Variants in PTPRD observed in about 807,000 individuals in gnomAD.
The protein encoded by PTPRD is receptor-type tyrosine-protein phosphatase delta.
In PTPRD, 34 loss-of-function variants were observed where a neutral mutation model predicts 214.5. That is an observed-to-expected ratio of 0.16 (90% CI 0.12 to 0.21). The LOEUF (loss-of-function observed/expected upper bound fraction) is 0.21, where lower values mean the gene tolerates loss of function less well. PTPRD is among the 10% of genes least tolerant of loss of function. The pLI, the probability that PTPRD is intolerant of heterozygous loss-of-function variation, is 1.00. For synonymous variants in PTPRD, 1,128 were observed against 845.7 expected, an observed-to-expected ratio of 1.33 and a Z score of -5.79; for missense variants, 2,545 against 2,398.7, an observed-to-expected ratio of 1.06 and a Z score of -1.27.
intron 36 of PTPRD, among the ~76,000 whole-genome samples, chr9:8,397,001 G>C (rs935955765): frequency 5.3e-5 from 8 of 152,080 alleles, no homozygotes; most frequent in Non-Finnish European, 1.2e-4. Context: ...CGATTAACTT[G>C]AAAATAGAAA....
chr9:9,463,381 G>A (rs1228099338), intron 8 of PTPRD, among the ~76,000 whole-genome samples: 1 of 152,068 alleles, frequency 6.6e-6, no homozygotes, highest in Non-Finnish European at 1.5e-5. Flanking sequence ...GTTGGAAGAG[G>A]GAGGGAGGGG....
intron 21 of PTPRD, among the ~76,000 whole-genome samples, chr9:8,508,190 T>C (rs1247921948): frequency 1.3e-5 from 2 of 152,244 alleles, no homozygotes; most frequent in Non-Finnish European, 2.9e-5. Flanking sequence ...AGATCATCTA[T>C]AATTCTCATG....
intron 35 of PTPRD, among the ~76,000 whole-genome samples, chr9:8,432,968 G>C (rs1039902652): frequency 3.9e-5 from 6 of 152,160 alleles, no homozygotes; most frequent in African/African-American, 1.4e-4. Context: ...TGATCTAATG[G>C]CTAAATGAGG....
chr9:10,056,298 G>A (rs1003320303), intron 3 of PTPRD, among the ~76,000 whole-genome samples: 24 of 149,726 alleles, frequency 1.6e-4, no homozygotes, highest in African/African-American at 5.2e-4. Flanking sequence ...TCCAACCTGG[G>A]TGACAGAGAG....
chr9:9,980,207 T>A (rs2154064332), intron 4 of PTPRD, among the ~76,000 whole-genome samples: 1 of 152,206 alleles, frequency 6.6e-6, no homozygotes, highest in African/African-American at 2.4e-5. Flanking sequence ...CAGATTACCG[T>A]AGTAGAAAGT....
chr9:8,452,106 A>C (rs2095981647), intron 33 of PTPRD, among the ~76,000 whole-genome samples: 1 of 152,240 alleles, frequency 6.6e-6, no homozygotes, highest in South Asian at 2.1e-4. Flanking sequence ...ATTTGAATGA[A>C]CAGGGAGGGA....
At chr9:9,434,392 G>T (rs749513878) in intron 8 of PTPRD, among the ~76,000 whole-genome samples, 2 of 152,160 alleles carry the variant, frequency 1.3e-5, no homozygotes, top group Non-Finnish European at 2.9e-5. Context: ...AGGGTATCCT[G>T]TGTTCATGCA....
chr9:8,847,847 C>T (rs1469404706), intron 11 of PTPRD, among the ~76,000 whole-genome samples: 1 of 152,014 alleles, frequency 6.6e-6, no homozygotes, highest in Non-Finnish European at 1.5e-5. Context: ...TTATAATTAA[C>T]AAAAGTTTCT....
chr9:8,383,470 G>C (rs140609998), intron 37 of PTPRD, among the ~76,000 whole-genome samples: 12 of 152,254 alleles, frequency 7.9e-5, no homozygotes, highest in African/African-American at 2.9e-4. Context: ...AGTAGGGCAG[G>C]AATTTTCCCA....
At chr9:9,670,704 C>A (rs2154386336) in intron 7 of PTPRD, among the ~76,000 whole-genome samples, 1 of 152,314 alleles carries the variant, frequency 6.6e-6, no homozygotes, top group Non-Finnish European at 1.5e-5. Flanking sequence ...AGAGCTCAGG[C>A]TGTGGCTTCA....
intron 11 of PTPRD, among the ~76,000 whole-genome samples, chr9:8,754,416 T>C (rs1598791428): frequency 6.6e-6 from 1 of 152,048 alleles, no homozygotes; most frequent in Non-Finnish European, 1.5e-5. Context: ...AGCAAAATAG[T>C]GGAACAGAAA....
rs142685210 is a variant in PTPRD at position 9,619,908 on chromosome 9, A to G, written c.-286-45127T>C. ...TTTTTATATACAGATATTTCAGTATAGAAGTATATATGTAATATAGATAGA... is the reference window on the plus strand; with the variant it reads ...TTTTTATATACAGATATTTCAGTATGGAAGTATATATGTAATATAGATAGA... On this transcript the variant is annotated intron_variant, in intron 7 of 45. Transcript: ENST00000381196. 3.0e-3 allele frequency among the ~76,000 whole-genome samples: 451 copies of G among 150,598 alleles called. 3 individuals are homozygous for G. Among genetic ancestry groups the G allele is most frequent in the African/African-American group, 0.01 (430 of 41,206 alleles).
intron 7 of PTPRD, among the ~76,000 whole-genome samples, chr9:9,637,749 G>C (rs2095817925): frequency 6.6e-6 from 1 of 152,158 alleles, no homozygotes. Flanking sequence ...TTGCCCTATT[G>C]AGAACTCTCT....
chr9:10,309,483 G>C (rs929685416), intron 3 of PTPRD, among the ~76,000 whole-genome samples: 12 of 150,894 alleles, frequency 8.0e-5, no homozygotes, highest in African/African-American at 2.9e-4. Context: ...CTCCTGAGTA[G>C]CTCGGACTAC....
intron 2 of PTPRD, among the ~76,000 whole-genome samples, chr9:10,385,086 C>G (rs1333243604): frequency 6.6e-6 from 1 of 151,790 alleles, no homozygotes; most frequent in Non-Finnish European, 1.5e-5. Context: ...GATTAGTCCC[C>G]TCTCACATTT....
intron 10 of PTPRD, among the ~76,000 whole-genome samples, chr9:9,038,404 C>G (rs529973412): frequency 7.1e-4 from 108 of 152,006 alleles, no homozygotes; most frequent in Non-Finnish European, 1.1e-3. Flanking sequence ...TTCTAAACAC[C>G]CCCACATAGA....
intron 11 of PTPRD, among the ~76,000 whole-genome samples, chr9:8,965,434 G>A (rs957701741): frequency 2.0e-5 from 3 of 151,838 alleles, no homozygotes; most frequent in African/African-American, 7.3e-5. Flanking sequence ...TGTCAGTGAA[G>A]TGTTGAAGTC....
chr9:8,711,392 T>C (rs1452946765), intron 12 of PTPRD, among the ~76,000 whole-genome samples: 1 of 152,150 alleles, frequency 6.6e-6, no homozygotes, highest in Non-Finnish European at 1.5e-5. Flanking sequence ...CCTCAATAAA[T>C]GTACCTTTAA....
chr9:9,749,226 C>G (rs1293422515), intron 6 of PTPRD, among the ~76,000 whole-genome samples: 1 of 152,130 alleles, frequency 6.6e-6, no homozygotes, highest in African/African-American at 2.4e-5. Context: ...ATGTGATGAT[C>G]AGGGAGGGCC....
Sources: gnomAD v4.1 joint callset for allele counts (sites outside exome capture counted in the v4.1 genomes callset) on GRCh38, gnomAD v4.1.1 for gene constraint, MANE v1.5 for transcripts, NCBI Gene and HGNC (gene_info 2026-07-23, HGNC 2026-07-21) for gene names.